The following CCDC178 variants were observed in gnomAD, a reference collection of about 807,000 sequenced individuals.
CCDC178 encodes coiled-coil domain-containing protein 178.
CCDC178 carries 126 observed loss-of-function variants against 117.4 expected under a neutral mutation model. The observed-to-expected ratio is 1.07, with a 90% CI of 0.93 to 1.24. The LOEUF (loss-of-function observed/expected upper bound fraction) is 1.24, where lower values mean the gene tolerates loss of function less well. Among genes scored for constraint, CCDC178 ranks in the 50% most tolerant of loss-of-function variants. The pLI is 0.00. For missense variants in CCDC178, 1,030 were observed against 986.9 expected, an observed-to-expected ratio of 1.04 and a Z score of -0.59; for synonymous variants, 283 against 313.4, an observed-to-expected ratio of 0.90 and a Z score of 1.02.
chr18:33,292,388 A>G (rs1026383338), intron 12 of CCDC178, among the ~76,000 whole-genome samples: 17 of 152,176 alleles, frequency 1.1e-4, no homozygotes, highest in Non-Finnish European at 1.9e-4. Context: ...TCACAGAAGC[A>G]GAGAGTAGAA....
chr18:33,033,463 G>A (rs573293386), intron 21 of CCDC178, among the ~76,000 whole-genome samples: 14 of 152,162 alleles, frequency 9.2e-5, no homozygotes, highest in African/African-American at 3.1e-4. Flanking sequence ...CTTAAGGGGT[G>A]ACTCTACCTA....
At chr18:33,145,290 T>A (rs2058254194) in intron 20 of CCDC178, among the ~76,000 whole-genome samples, 1 of 152,212 alleles carries the variant, frequency 6.6e-6, no homozygotes, top group Non-Finnish European at 1.5e-5. Context: ...TATTCATTTT[T>A]TCTCAAACGC....
At chr18:33,161,989 G>A (rs900057125) in intron 20 of CCDC178, among the ~76,000 whole-genome samples, 8 of 152,266 alleles carry the variant, frequency 5.3e-5, no homozygotes, top group African/African-American at 1.2e-4. Flanking sequence ...CTGGGGAATC[G>A]CCACACTGAC....
intron 20 of CCDC178, among the ~76,000 whole-genome samples, chr18:33,148,412 T>C (rs1245427245): frequency 1.4e-5 from 2 of 139,986 alleles, no homozygotes; most frequent in East Asian, 2.1e-4. Flanking sequence ...AGGGAGACCG[T>C]GGAGAGAGAG....
At chr18:33,404,614 C>T (rs2063756789) in intron 3 of CCDC178, among the ~76,000 whole-genome samples, 1 of 152,052 alleles carries the variant, frequency 6.6e-6, no homozygotes, top group Non-Finnish European at 1.5e-5. Context: ...TAACTATACA[C>T]CCAACAGGAA....
In CCDC178 at chr18:33,333,277, A is replaced by G. The variant is rs1429911612; in HGVS notation, c.776T>C (p.Ile259Thr). 1 of 1,612,852 alleles carries G rather than the reference A, an allele frequency of 6.2e-7. No individual in the cohort carries two copies. The highest frequency in any genetic ancestry group is 8.5e-7 in the Non-Finnish European group (1 of 1,179,202). ...ATTCATGTAGTCTATGTCTGCTTGAATCTTTGCATTTGCTTCTTCTAACTC... is the reference window on the plus strand; with the variant it reads ...ATTCATGTAGTCTATGTCTGCTTGAGTCTTTGCATTTGCTTCTTCTAACTC... Reference protein sequence around the residue: ...KTELEEANAKIQADIDYMNEH... With the variant: ...KTELEEANAKTQADIDYMNEH... Residue 259 changes from isoleucine (I) to threonine (T), a missense_variant, in exon 10 of 23, where the codon ATT becomes ACT. Ile to Thr is a moderately conservative substitution (Grantham distance 89, BLOSUM62 -1). Transcript: ENST00000383096.
chr18:33,028,131 G>T (rs986212656), intron 21 of CCDC178, among the ~76,000 whole-genome samples: 2 of 151,222 alleles, frequency 1.3e-5, no homozygotes, highest in African/African-American at 2.4e-5. Flanking sequence ...ATAGAAGGAA[G>T]GAAATAATAA....
intron 21 of CCDC178, among the ~76,000 whole-genome samples, chr18:33,039,702 C>A (rs989518592): frequency 4.6e-5 from 7 of 151,754 alleles, no homozygotes; most frequent in Non-Finnish European, 1.0e-4. Flanking sequence ...AGAGAGGGGA[C>A]CTTAGATGCA....
At chr18:33,368,952 A>G (rs1385612067) in intron 6 of CCDC178, among the ~76,000 whole-genome samples, 1 of 151,914 alleles carries the variant, frequency 6.6e-6, no homozygotes, top group Non-Finnish European at 1.5e-5. Flanking sequence ...GATTTTTATC[A>G]TTTTTAACAA....
intron 2 of CCDC178, among the ~76,000 whole-genome samples, chr18:33,415,237 A>G (rs2063919096): frequency 6.6e-6 from 1 of 152,236 alleles, no homozygotes; most frequent in South Asian, 2.1e-4. Context: ...TGCTGCTATA[A>G]AGACACATGC....
At chr18:32,967,770 T>C (rs1235884360) in intron 22 of CCDC178, among the ~76,000 whole-genome samples, 1 of 151,778 alleles carries the variant, frequency 6.6e-6, no homozygotes, top group Admixed American at 6.6e-5. Context: ...TTGTTTTGTT[T>C]TTAAATTTTA....
Position 33,346,429 on chromosome 18 carries a change from AT to A in CCDC178, c.458-19del, listed in dbSNP as rs1447990230. ...CTTTTCATCTTAAACAGAAATAAATATTCACATTTGTTAATAAATCAGTCAA... is the reference window on the plus strand; with the variant it reads ...CTTTTCATCTTAAACAGAAATAAATATCACATTTGTTAATAAATCAGTCAA... On this transcript the variant is annotated intron_variant, in intron 8 of 22. Transcript: ENST00000383096. The A allele has an allele frequency of 1.9e-6, 3 of 1,547,996 alleles. No individual in the cohort carries two copies. Among genetic ancestry groups the A allele is most frequent in the Non-Finnish European group, 8.9e-7 (1 of 1,124,072 alleles).
chr18:33,054,185 G>C (rs1303956223), intron 21 of CCDC178, among the ~76,000 whole-genome samples: 1 of 152,058 alleles, frequency 6.6e-6, no homozygotes, highest in East Asian at 1.9e-4. Context: ...CTTGAACTGA[G>C]TTCACTTCGC....
intron 21 of CCDC178, among the ~76,000 whole-genome samples, chr18:33,033,274 A>T (rs1020383403): frequency 1.3e-5 from 2 of 152,142 alleles, no homozygotes; most frequent in Non-Finnish European, 2.9e-5. Flanking sequence ...GAGTTCAGGA[A>T]GTATCTTTTA....
chr18:33,063,972 C>A (rs1205000275), intron 21 of CCDC178, among the ~76,000 whole-genome samples: 1 of 152,122 alleles, frequency 6.6e-6, no homozygotes, highest in Non-Finnish European at 1.5e-5. Context: ...TTGTGCCTAC[C>A]CAGATTCAAA....
chr18:33,290,742 C>T (rs1219841759), intron 12 of CCDC178, among the ~76,000 whole-genome samples: 1 of 151,966 alleles, frequency 6.6e-6, no homozygotes, highest in African/African-American at 2.4e-5. Flanking sequence ...ATGGAGTGTT[C>T]AGGTGAAGAT....
Position 33,348,873 on chromosome 18 carries a change from AG to A in CCDC178, c.457+16del. On this transcript the variant is annotated intron_variant, in intron 8 of 22. Coordinates refer to ENST00000383096, the MANE Select transcript of CCDC178 (RefSeq NM_001105528.4). ...TTTAAATATATACAGTTATTCAAGT[AG>A]GAGGAACAACTTTACCTCTCTTTTC... is the stretch of plus-strand genomic sequence containing the variant. 6.6e-7 allele frequency: 1 copy of A among 1,507,702 alleles called. No individual in the cohort carries two copies. Among genetic ancestry groups the A allele is most frequent in the Non-Finnish European group, 9.2e-7 (1 of 1,085,128 alleles). The allele number at this position is 1,507,702 out of a possible 1,614,324, so 93.4% of individuals were successfully genotyped here. A position where few individuals can be genotyped will look rare whatever the true frequency, so the allele number is the denominator to read the frequency against.
chr18:32,955,809 T>C (rs1211797257), intron 22 of CCDC178, among the ~76,000 whole-genome samples: 3 of 152,172 alleles, frequency 2.0e-5, no homozygotes, highest in African/African-American at 7.2e-5. Flanking sequence ...TGTTACATAA[T>C]CTCTTTAGGT....
At chr18:33,065,899 T>C (rs1350359525) in intron 21 of CCDC178, among the ~76,000 whole-genome samples, 2 of 150,336 alleles carry the variant, frequency 1.3e-5, no homozygotes, top group Non-Finnish European at 3.0e-5. Flanking sequence ...TCTCACTTTG[T>C]CACCCAGGCT....
Sources: allele counts gnomAD v4.1 joint callset (sites outside exome capture counted in the v4.1 genomes callset), GRCh38; gene constraint gnomAD v4.1.1; transcripts MANE v1.5; gene names NCBI Gene and HGNC (gene_info 2026-07-23, HGNC 2026-07-21).